Variants in CAMSAP1 observed in about 807,000 individuals in gnomAD.
CAMSAP1 encodes the protein calmodulin regulated spectrin associated protein 1.
CAMSAP1 carries 58 observed loss-of-function variants against 143.5 expected under a neutral mutation model. The ratio of observed to expected loss-of-function variants is 0.40; its 90% CI spans 0.33 to 0.50. The LOEUF (loss-of-function observed/expected upper bound fraction) is 0.50, where lower values mean the gene tolerates loss of function less well. Among genes scored for constraint, CAMSAP1 ranks in the 20% least tolerant of loss-of-function variants. CAMSAP1 has a pLI of 0.45. For synonymous variants in CAMSAP1, 945 were observed against 859.3 expected (o/e 1.10, Z -1.74); for missense variants, 1,969 against 2,115.7 (o/e 0.93, Z 1.36).
At chr9:135,860,463 T>C (rs1837142947) in intron 5 of CAMSAP1, among the ~76,000 whole-genome samples, 1 of 151,774 alleles carries the variant, frequency 6.6e-6, no homozygotes, top group Non-Finnish European at 1.5e-5. Context: ...CTGGGTGTGG[T>C]GGTGGACACC....
chr9:135,855,741 C>T (rs1392561833), intron 5 of CAMSAP1, among the ~76,000 whole-genome samples: 4 of 114,972 alleles, frequency 3.5e-5, no homozygotes, highest in Non-Finnish European at 6.8e-5. Flanking sequence ...GAGACTTCAT[C>T]TCAATTTAAA....
At position 135,819,132 on chromosome 9, in the gene CAMSAP1, C is replaced by T. The variant is rs754630951; in HGVS notation, c.3837G>A (p.Ala1279=). Residue 1279 remains alanine, a synonymous_variant, in exon 12 of 17, where the codon GCG becomes GCA. Coordinates refer to ENST00000389532, the MANE Select transcript of CAMSAP1 (RefSeq NM_015447.4). ...VGFFFKDEQK[A]EDELAKKRAA... ...CCCGCTTCTTGGCGAGCTCATCTTCCGCTTTCTGTTCATCCTGCAAGACAG... is the reference window on the plus strand; with the variant it reads ...CCCGCTTCTTGGCGAGCTCATCTTCTGCTTTCTGTTCATCCTGCAAGACAG... 2.5e-6 allele frequency: 4 copies of T among 1,601,540 alleles called. No homozygotes were observed. Among genetic ancestry groups the T allele is most frequent in the Non-Finnish European group, 3.4e-6 (4 of 1,175,558 alleles).
chr9:135,869,505 A>AC (rs1564449856), intron 3 of CAMSAP1, among the ~76,000 whole-genome samples: 2 of 146,216 alleles, frequency 1.4e-5, no homozygotes, highest in Non-Finnish European at 3.1e-5. Context: ...TCAGTCTCAA[A>AC]CAAAAAAAAA....
chr9:135,849,126 C>T (rs755519132), intron 7 of CAMSAP1, among the ~76,000 whole-genome samples: 1 of 152,244 alleles, frequency 6.6e-6, no homozygotes, highest in African/African-American at 2.4e-5. Flanking sequence ...GTAGAAAACA[C>T]ACTGAATACA....
In CAMSAP1 at chr9:135,907,425, G is replaced by GGCGGGGGCGGGC. The variant is rs958814216; in HGVS notation, c.-278_-267dup. ...CGGCGGCAGGAGGGCGCGGGCCGGG[G>GGCGGGGGCGGGC]GCGGGGGCGGGCGCGGGGGCGGGAG... On this transcript the variant is annotated 5_prime_UTR_variant, in exon 1 of 17. Coordinates refer to ENST00000389532, the MANE Select transcript of CAMSAP1 (RefSeq NM_015447.4). Among the ~76,000 whole-genome samples the GGCGGGGGCGGGC allele has an allele frequency of 1.4e-5, 2 of 146,134 alleles. No individual in the cohort carries two copies. Among genetic ancestry groups the GGCGGGGGCGGGC allele is most frequent in the African/African-American group, 2.5e-5 (1 of 40,800 alleles).
chr9:135,818,253 C>G lies in CAMSAP1; in HGVS notation c.4168+155G>C, dbSNP rs1027288326. On this transcript the variant is annotated intron_variant, in intron 13 of 16. Transcript: ENST00000389532. The surrounding 1 kb of genome is among the most constrained non-coding windows in gnomAD (Gnocchi z 7.7). ...GGATGTGCCGCACATCTCAGAGCAT[C>G]TGGTCTCAACATTGTCATCCATGAA... The G allele has an allele frequency of 1.9e-5, 21 of 1,096,024 alleles. No homozygotes were observed. The African/African-American group carries it at 3.3e-4, about 17-fold the overall frequency. The allele number at this position is 1,096,024 out of a possible 1,614,324, so 67.9% of individuals were successfully genotyped here. A position where few individuals can be genotyped will look rare whatever the true frequency, so the allele number is the denominator to read the frequency against.
Position 135,809,708 on chromosome 9 carries a change from C to G in CAMSAP1, c.*1601G>C, listed in dbSNP as rs1174841299. 6.6e-6 allele frequency: 1 copy of G among 152,634 alleles called. No homozygotes were observed. The highest frequency in any genetic ancestry group is 1.5e-5 in the Non-Finnish European group (1 of 68,052). The allele number at this position is 152,634 out of a possible 1,614,324, so 9.5% of individuals were successfully genotyped here. A position where few individuals can be genotyped will look rare whatever the true frequency, so the allele number is the denominator to read the frequency against. ...AAAGTATGGTAACAGAAAGCTCACT[C>G]AGGACTGTGTAACTCAGCACTTGAG... On this transcript the variant is annotated 3_prime_UTR_variant, in exon 17 of 17. Transcript: ENST00000389532.
chr9:135,848,741 A>G (rs1277921679), intron 7 of CAMSAP1, among the ~76,000 whole-genome samples: 1 of 152,250 alleles, frequency 6.6e-6, no homozygotes, highest in East Asian at 1.9e-4. Flanking sequence ...CTGCAGAGGC[A>G]CATCTGGGAG....
intron 1 of CAMSAP1, among the ~76,000 whole-genome samples, chr9:135,890,366 T>G (rs1200637859): frequency 1.3e-5 from 2 of 152,030 alleles, no homozygotes; most frequent in African/African-American, 4.8e-5. Context: ...TGGTGAGGAA[T>G]CACCAGGCCA....
chr9:135,813,614 CA>C (rs1225621064), intron 16 of CAMSAP1, among the ~76,000 whole-genome samples: 1 of 152,184 alleles, frequency 6.6e-6, no homozygotes, highest in Admixed American at 6.5e-5. Context: ...TTATGTGGCA[CA>C]GCTGAGAGGG....
At chr9:135,883,552 C>G (rs1190269537) in intron 1 of CAMSAP1, among the ~76,000 whole-genome samples, 1 of 152,186 alleles carries the variant, frequency 6.6e-6, no homozygotes. Flanking sequence ...AGCCCAGCAT[C>G]CTCTTTCTGA....
rs778527354 is a variant in CAMSAP1 at position 135,821,570 on chromosome 9, T to A, written c.3091A>T (p.Ile1031Phe). The A allele has an allele frequency of 6.2e-6, 10 of 1,614,004 alleles. No individual in the cohort carries two copies. In the South Asian group the frequency reaches 9.9e-5, roughly 16 times the overall value. ...DLSIEKLNET[I>F]STLQQAILKI... ...AGGATGGCCTGCTGCAGCGTACTGA[T>A]GGTTTCGTTAAGCTTCTCGATGGAA... is the stretch of plus-strand genomic sequence containing the variant. The change falls in exon 11 of 17, where the codon ATC (isoleucine) becomes TTC (phenylalanine). Residue 1031 changes from isoleucine (I) to phenylalanine (F), a missense_variant. Coordinates refer to ENST00000389532, the MANE Select transcript of CAMSAP1 (RefSeq NM_015447.4). This position sits in a 1 kb window ranked among gnomAD's most constrained non-coding sequence, Gnocchi z 4.6.
chr9:135,816,420 G>C (rs1835232249), intron 14 of CAMSAP1, among the ~76,000 whole-genome samples: 1 of 152,208 alleles, frequency 6.6e-6, no homozygotes, highest in Non-Finnish European at 1.5e-5. Flanking sequence ...AGGGGCCACA[G>C]CAGGCCGAGT....
At chr9:135,878,710 C>T (rs1837833178) in intron 3 of CAMSAP1, among the ~76,000 whole-genome samples, 1 of 152,078 alleles carries the variant, frequency 6.6e-6, no homozygotes, top group South Asian at 2.1e-4. Context: ...AGAGTTTGCT[C>T]GGGGAACTCG....
chr9:135,893,349 G>GA lies in CAMSAP1; in HGVS notation c.161-10272dup, dbSNP rs908804364. On this transcript the variant is annotated intron_variant, in intron 1 of 16. Transcript: ENST00000389532. Reference sequence around the variant, plus strand: ...GAAAGGAAAAAACAAAAAAGAAAAAGAAAAGGCAGGAAAGGCAGGAAGAAA... The same window carrying GA: ...GAAAGGAAAAAACAAAAAAGAAAAAGAAAAAGGCAGGAAAGGCAGGAAGAAA... Among the ~76,000 whole-genome samples the GA allele has an allele frequency of 1.9e-4, 28 of 145,692 alleles. 1 individual carries two copies. Among genetic ancestry groups the GA allele is most frequent in the Admixed American group, 1.7e-3 (25 of 14,484 alleles).
chr9:135,818,954 C>A lies in CAMSAP1; in HGVS notation c.3959+56G>T. On this transcript the variant is annotated intron_variant, in intron 12 of 16. Transcript: ENST00000389532. The surrounding 1 kb of genome is among the most constrained non-coding windows in gnomAD (Gnocchi z 7.7). ...AGTGCCAGCAACGGGACCGGGGCCG[C>A]CAGGGACCCACCAGGCTCCTGCTCA... The A allele has an allele frequency of 6.3e-7, 1 of 1,583,820 alleles. No homozygotes were observed. Among genetic ancestry groups the A allele is most frequent in the South Asian group, 1.1e-5 (1 of 88,014 alleles).
chr9:135,825,051 A>C (rs1018207010), intron 8 of CAMSAP1, among the ~76,000 whole-genome samples, 171 bp from the exon 9 acceptor site: 1 of 152,202 alleles, frequency 6.6e-6, no homozygotes, highest in African/African-American at 2.4e-5. Context: ...AGGAACTTCC[A>C]ACCTGGGATG....
intron 1 of CAMSAP1, among the ~76,000 whole-genome samples, chr9:135,897,726 G>A (rs1400634563): frequency 1.3e-5 from 2 of 152,096 alleles, no homozygotes; most frequent in Non-Finnish European, 2.9e-5. Flanking sequence ...TGGACATGCT[G>A]GACAAAGGGA....
intron 7 of CAMSAP1, among the ~76,000 whole-genome samples, chr9:135,831,561 C>T (rs1835862980): frequency 6.6e-6 from 1 of 150,918 alleles, no homozygotes; most frequent in African/African-American, 2.4e-5. Context: ...CCTAACTTCA[C>T]ACCTCAAAGA....
Sources: allele counts gnomAD v4.1 joint callset (sites outside exome capture counted in the v4.1 genomes callset), GRCh38; gene constraint gnomAD v4.1.1; non-coding constraint Gnocchi (gnomAD v3.1); transcripts MANE v1.5; gene names NCBI Gene and HGNC (gene_info 2026-07-23, HGNC 2026-07-21).